The following MIB2 variants were observed in gnomAD, a reference collection of about 807,000 sequenced individuals.
The protein encoded by MIB2 is MIB E3 ubiquitin protein ligase 2.
MIB2 carries 78 observed loss-of-function variants against 96.6 expected under a neutral mutation model. The observed-to-expected ratio is 0.81, with a 90% CI of 0.67 to 0.97. The LOEUF (loss-of-function observed/expected upper bound fraction) is 0.97. MIB2 is among the 50% of genes least tolerant of loss of function. The pLI, the probability that MIB2 is intolerant of heterozygous loss-of-function variation, is 0.00. For synonymous variants in MIB2, 820 were observed against 629.5 expected (o/e 1.30, Z -4.53); for missense variants, 1,543 against 1,424.0 (o/e 1.08, Z -1.35).
rs1197005913 is a variant in MIB2 at position 1,628,630 on chromosome 1, G to A, written c.2110G>A (p.Ala704Thr). 1 of 1,597,440 alleles carries A rather than the reference G, an allele frequency of 6.3e-7. No homozygotes were observed. Among genetic ancestry groups the A allele is most frequent in the Non-Finnish European group, 8.5e-7 (1 of 1,175,674 alleles). ...CGCCGAGGACGAGGAGGGGGACACA[G>A]CCCTGCACGTGGCGCTGCAGCGTCA... is the stretch of plus-strand genomic sequence containing the variant. ...VNAEDEEGDT[A>T]LHVALQRHQL... The change falls in exon 16 of 20, where the codon GCC becomes ACC. Residue 704 changes from alanine (A) to threonine (T), a missense_variant. Coordinates refer to ENST00000355826, the MANE Select transcript of MIB2 (RefSeq NM_001170687.4).
chr1:1,626,731 G>A lies in MIB2; in HGVS notation c.1054G>A (p.Glu352Lys), dbSNP rs761503000. Residue 352 changes from glutamate to lysine, a missense_variant, in exon 9 of 20, where the codon GAG (glutamate) becomes AAG (lysine). Coordinates refer to ENST00000355826, the MANE Select transcript of MIB2 (RefSeq NM_001170687.4). The surrounding 1 kb of genome is among the most constrained non-coding windows in gnomAD (Gnocchi z 5.3). ...TVKRLQAGHG[E>K]WTDDMAPALG... ...GAAGCGGCTGCAGGCTGGGCATGGC[G>A]AGTGGACGGACGACATGGCCCCTGT... 5.6e-6 allele frequency: 9 copies of A among 1,598,478 alleles called. No individual in the cohort carries two copies. The highest frequency in any genetic ancestry group is 5.4e-5 in the African/African-American group (4 of 74,744).
chr1:1,630,300 G>C lies in MIB2; in HGVS notation c.2638G>C (p.Glu880Gln), dbSNP rs758340098. ...CGTCCCCCACCCCGCAGACGGCTCT[G>C]AGGTGGCGAGCGCCGCCCCCGCCCC... is the stretch of plus-strand genomic sequence containing the variant. ...VSKKLRPDGSEVASAAPAPGP... is the reference protein window; with the variant it reads ...VSKKLRPDGSQVASAAPAPGP... Residue 880 changes from glutamate to glutamine, a missense_variant, in exon 20 of 20, where the codon GAG (glutamate) becomes CAG (glutamine). Coordinates refer to ENST00000355826, the MANE Select transcript of MIB2 (RefSeq NM_001170687.4). 1 of 1,512,190 alleles carries C rather than the reference G, an allele frequency of 6.6e-7. No individual in the cohort carries two copies. The highest frequency in any genetic ancestry group is 8.8e-7 in the Non-Finnish European group (1 of 1,137,576). The allele number at this position is 1,512,190 out of a possible 1,614,324, so 93.7% of individuals were successfully genotyped here. A position where few individuals can be genotyped will look rare whatever the true frequency, so the allele number is the denominator to read the frequency against.
chr1:1,627,061 G>T lies in MIB2; in HGVS notation c.1241-13G>T, dbSNP rs976919227. The T allele has an allele frequency of 1.2e-6, 2 of 1,600,586 alleles. No homozygotes were observed. Among genetic ancestry groups the T allele is most frequent in the Non-Finnish European group, 8.5e-7 (1 of 1,174,248 alleles). Reference sequence around the variant, plus strand: ...CTGCCCCTGGCCACCACTAACCTCAGCCCTGCCCCCAGGCTCACTGAGCGT... The same window carrying T: ...CTGCCCCTGGCCACCACTAACCTCATCCCTGCCCCCAGGCTCACTGAGCGT... On this transcript the variant is annotated splice_polypyrimidine_tract_variant and intron_variant, in intron 10 of 19. Coordinates refer to ENST00000355826, the MANE Select transcript of MIB2 (RefSeq NM_001170687.4).
intron 2 of MIB2, chr1:1,617,298 G>A (rs1208606540): frequency 6.6e-6 from 1 of 152,342 alleles, no homozygotes; most frequent in African/African-American, 2.4e-5. Flanking sequence ...TCTGAATAAA[G>A]GCAATTTGCT....
In MIB2 at chr1:1,629,778, T is replaced by C. The variant is rs576286263; in HGVS notation, c.2629+74T>C. On this transcript the variant is annotated intron_variant, in intron 19 of 19. Coordinates refer to ENST00000355826, the MANE Select transcript of MIB2 (RefSeq NM_001170687.4). ...CCGCGGGTCCCCGTCCCCCACCCCTTCCCTCCCACACTTCCGCCCATGGCC... is the reference window on the plus strand; with the variant it reads ...CCGCGGGTCCCCGTCCCCCACCCCTCCCCTCCCACACTTCCGCCCATGGCC... 4.1e-4 allele frequency: 578 copies of C among 1,395,530 alleles called. 4 individuals are homozygous for C. In the African/African-American group the frequency reaches 7.8e-3, roughly 19 times the overall value. The allele number at this position is 1,395,530 out of a possible 1,614,324, so 86.4% of individuals were successfully genotyped here.
At position 1,624,787 on chromosome 1, in the gene MIB2, T is replaced by C. The variant is rs1297353330; in HGVS notation, c.420-8T>C. On this transcript the variant is annotated splice_region_variant and splice_polypyrimidine_tract_variant and intron_variant, in intron 4 of 19. Coordinates refer to ENST00000355826, the MANE Select transcript of MIB2 (RefSeq NM_001170687.4). The stretch of plus-strand genomic sequence containing the variant: ...TTCTGAGAGCTTTATTTGTGAACCC[T>C]CTTGCAGTGTCACACTGAGTCCCCG... The C allele has an allele frequency of 1.2e-6, 2 of 1,610,958 alleles. No individual in the cohort carries two copies. The highest frequency in any genetic ancestry group is 1.3e-5 in the African/African-American group (1 of 74,904).
upstream of MIB2, chr1:1,614,272 G>T (rs768370356): frequency 6.6e-6 from 1 of 152,204 alleles, no homozygotes; most frequent in Non-Finnish European, 1.5e-5. Flanking sequence ...CCTGCAGCAG[G>T]CCTCCTCACA....
intron 2 of MIB2, 107 bp downstream of exon 2, chr1:1,616,721 G>C: frequency 1.2e-6 from 1 of 846,664 alleles, no homozygotes; most frequent in South Asian, 1.6e-5. Flanking sequence ...GAGCATGCAT[G>C]CGAGTGGAGG....
rs761916274 is a variant in MIB2, at chr1:1,624,970, T to TG, written c.527-14dup. 77 of 1,607,828 alleles carry TG rather than the reference T, an allele frequency of 4.8e-5. 1 individual carries two copies. Among genetic ancestry groups the TG allele is most frequent in the African/African-American group, 9.4e-5 (7 of 74,758 alleles). ...GGCTCATGGCTCAGCCTTAGCCTGCTGGGGGGGCCTCTTTCCCCAGGAGGG... is the reference window on the plus strand; with the variant it reads ...GGCTCATGGCTCAGCCTTAGCCTGCTGGGGGGGGCCTCTTTCCCCAGGAGGG... On this transcript the variant is annotated intron_variant, in intron 5 of 19. Coordinates refer to ENST00000355826, the MANE Select transcript of MIB2 (RefSeq NM_001170687.4).
Position 1,623,844 on chromosome 1 carries a change from C to T in MIB2, c.318C>T (p.Cys106=), listed in dbSNP as rs1185061360. 5.0e-6 allele frequency: 8 copies of T among 1,611,066 alleles called. No individual in the cohort carries two copies. Among genetic ancestry groups the T allele is most frequent in the Non-Finnish European group, 6.8e-6 (8 of 1,179,204 alleles). Residue 106 remains cysteine, a synonymous_variant, in exon 4 of 20, where the codon TGC becomes TGT. Transcript: ENST00000355826. ...GGCTGCGGGGGATGCGCTGGAAGTG[C>T]CGTGTGTGCCTGGACTACGACCTCT... ...KHGLRGMRWK[C]RVCLDYDLCT... is the part of the protein sequence containing the mutation.
rs1367737322 is a variant in MIB2 at position 1,627,660 on chromosome 1, C to T, written c.1524-13C>T. 3 of 1,589,526 alleles carry T rather than the reference C, an allele frequency of 1.9e-6. No homozygotes were observed. Among genetic ancestry groups the T allele is most frequent in the East Asian group, 2.2e-5 (1 of 44,472 alleles). On this transcript the variant is annotated splice_polypyrimidine_tract_variant and intron_variant, in intron 12 of 19. Transcript: ENST00000355826. ...GCCCGGCGCCCTCCCTCTCCCACTT[C>T]CTCTCCTGTCAGGAACCAGCCCGAG...
At chr1:1,616,770 G>C in intron 2 of MIB2, 156 bp downstream of exon 2, 1 of 602,882 alleles carries the variant, frequency 1.7e-6, no homozygotes, top group Middle Eastern at 2.6e-4. Flanking sequence ...TCTGAGTTCG[G>C]AACCCATGGA....
rs778713419 is a variant in MIB2 at position 1,625,585 on chromosome 1, C to G, written c.904C>G (p.Arg302Gly). Residue 302 changes from arginine to glycine, a missense_variant, in exon 8 of 20, where the codon CGC becomes GGC. Coordinates refer to ENST00000355826, the MANE Select transcript of MIB2 (RefSeq NM_001170687.4). The surrounding 1 kb of genome is among the most constrained non-coding windows in gnomAD (Gnocchi z 5.0). ...QTGTVHRITD[R>G]GDVRVQFNHE... Reference sequence around the variant, plus strand: ...GGGCACCGTGCATCGTATCACGGACCGCGGGGACGTGCGCGTGCAGTTCAA... The same window carrying G: ...GGGCACCGTGCATCGTATCACGGACGGCGGGGACGTGCGCGTGCAGTTCAA... 5.2e-5 allele frequency: 83 copies of G among 1,584,652 alleles called. 1 individual carries two copies. Among genetic ancestry groups the G allele is most frequent in the Non-Finnish European group, 6.9e-5 (81 of 1,166,226 alleles).
At chr1:1,628,862 A>G (rs1483905248) in intron 16 of MIB2, 140 bp downstream of exon 16, 1 of 831,980 alleles carries the variant, frequency 1.2e-6, no homozygotes. Context: ...AGCAGATGGG[A>G]GCCAAGTTCT....
Position 1,627,391 on chromosome 1 carries a change from C to T in MIB2, c.1470C>T (p.Gly490=), listed in dbSNP as rs751751781. 14 of 1,612,840 alleles carry T rather than the reference C, an allele frequency of 8.7e-6. No homozygotes were observed. The highest frequency in any genetic ancestry group is 2.7e-5 in the African/African-American group (2 of 74,922). Residue 490 remains glycine (G), a synonymous_variant, in exon 12 of 20, where the codon GGC becomes GGT. Coordinates refer to ENST00000355826, the MANE Select transcript of MIB2 (RefSeq NM_001170687.4). ...LIRLLLQARA[G]VDLPDDEGNT... is the part of the protein sequence containing the mutation. ...GGCTGCTGCTACAAGCCAGGGCGGG[C>T]GTGGACCTGCCGGACGACGAGGGCA...
Position 1,627,394 on chromosome 1 carries a change from G to A in MIB2, c.1473G>A (p.Val491=), listed in dbSNP as rs1644890998. ...IRLLLQARAG[V]DLPDDEGNTA... is the part of the protein sequence containing the mutation. The stretch of plus-strand genomic sequence containing the variant: ...TGCTGCTACAAGCCAGGGCGGGCGT[G>A]GACCTGCCGGACGACGAGGGCAACA... The change falls in exon 12 of 20, where the codon GTG becomes GTA. Residue 491 remains valine, a synonymous_variant. Coordinates refer to ENST00000355826, the MANE Select transcript of MIB2 (RefSeq NM_001170687.4). 6.2e-7 allele frequency: 1 copy of A among 1,612,866 alleles called. No individual in the cohort carries two copies. Among genetic ancestry groups the A allele is most frequent in the African/African-American group, 1.3e-5 (1 of 74,922 alleles).
Position 1,616,508 on chromosome 1 carries a change from G to T in MIB2, c.-129G>T, listed in dbSNP as rs777627058. 4.4e-6 allele frequency: 7 copies of T among 1,583,516 alleles called. No homozygotes were observed. Among genetic ancestry groups the T allele is most frequent in the Non-Finnish European group, 6.0e-6 (7 of 1,165,670 alleles). Reference sequence around the variant, plus strand: ...TCTTGGCATCTCCCCTCGGCCACAGGGTTGGAAGCCCAGCGAGGCTAGAGG... The same window carrying T: ...TCTTGGCATCTCCCCTCGGCCACAGTGTTGGAAGCCCAGCGAGGCTAGAGG... On this transcript the variant is annotated splice_region_variant and 5_prime_UTR_variant, in exon 2 of 20. Transcript: ENST00000355826.
At position 1,626,788 on chromosome 1, in the gene MIB2, G is replaced by A. The variant is rs574649121; in HGVS notation, c.1077+34G>A. ...CCCTGCCACCCCCGCCGCTAGCGCCGCTGCCCCCCACACCTGCAGCCTGCT... is the reference window on the plus strand; with the variant it reads ...CCCTGCCACCCCCGCCGCTAGCGCCACTGCCCCCCACACCTGCAGCCTGCT... On this transcript the variant is annotated intron_variant, in intron 9 of 19. Coordinates refer to ENST00000355826, the MANE Select transcript of MIB2 (RefSeq NM_001170687.4). The surrounding 1 kb of genome is among the most constrained non-coding windows in gnomAD (Gnocchi z 5.3). 1.7e-4 allele frequency: 266 copies of A among 1,567,514 alleles called. 3 individuals carry two copies. The South Asian group carries it at 2.5e-3, about 15-fold the overall frequency.
At position 1,625,440 on chromosome 1, in the gene MIB2, C is replaced by T. The variant is rs1383573144; in HGVS notation, c.864+12C>T. 36 of 1,563,256 alleles carry T rather than the reference C, an allele frequency of 2.3e-5. No homozygotes were observed. Among genetic ancestry groups the T allele is most frequent in the Middle Eastern group, 1.7e-4 (1 of 5,964 alleles). On this transcript the variant is annotated intron_variant, in intron 7 of 19. Coordinates refer to ENST00000355826, the MANE Select transcript of MIB2 (RefSeq NM_001170687.4). This position sits in a 1 kb window ranked among gnomAD's most constrained non-coding sequence, Gnocchi z 5.0. The stretch of plus-strand genomic sequence containing the variant: ...CCAGGATGGCGGAGGTGAGCCGCCC[C>T]GCCGTGGAGCCCTGTGTGCCCTGCC...
Sources: gnomAD v4.1 joint callset for allele counts on GRCh38, gnomAD v4.1.1 for gene constraint, Gnocchi (gnomAD v3.1) non-coding constraint, MANE v1.5 for transcripts, NCBI Gene and HGNC (gene_info 2026-07-23, HGNC 2026-07-21) for gene names.